CNTNAP2: variants seen among roughly 807,000 people sequenced by gnomAD.
CNTNAP2 encodes the protein contactin-associated protein-like 2.
A neutral mutation model predicts 155.2 loss-of-function variants in CNTNAP2; 98 were observed. That is an observed-to-expected ratio of 0.63 (90% CI 0.54 to 0.75). CNTNAP2 has a LOEUF of 0.75. Among genes scored for constraint, CNTNAP2 ranks in the 30% least tolerant of loss-of-function variants. The pLI, the probability that CNTNAP2 is intolerant of heterozygous loss-of-function variation, is 0.00. For missense variants in CNTNAP2, 1,727 were observed against 1,688.1 expected (o/e 1.02, Z -0.40); for synonymous variants, 651 against 631.2 (o/e 1.03, Z -0.47).
At chr7:146,184,312 G>T (rs912568103) in intron 1 of CNTNAP2, among the ~76,000 whole-genome samples, 1 of 152,102 alleles carries the variant, frequency 6.6e-6, no homozygotes, top group African/African-American at 2.4e-5. Context: ...CCACAAAAAT[G>T]AAACCTGAGA....
At position 147,596,495 on chromosome 7, in the gene CNTNAP2, C is replaced by T. The variant is rs151257589; in HGVS notation, c.1897+34238C>T. 4.3e-4 allele frequency among the ~76,000 whole-genome samples: 66 copies of T among 152,116 alleles called. 1 individual carries two copies. The highest frequency in any genetic ancestry group is 6.8e-3 in the Middle Eastern group (2 of 294). ...TTTTGCTTCCCTGCTTAAAACCTGT[C>T]GGTGCTTCCTATCATTCTTTGTGTT... On this transcript the variant is annotated intron_variant, in intron 12 of 23. Transcript: ENST00000361727.
chr7:148,078,691 G>T (rs1297589570), intron 15 of CNTNAP2, among the ~76,000 whole-genome samples: 1 of 152,110 alleles, frequency 6.6e-6, no homozygotes, highest in African/African-American at 2.4e-5. Context: ...ATGTTGTCCA[G>T]GCTGGTCTCT....
chr7:147,346,396 C>T (rs901510504), intron 9 of CNTNAP2, among the ~76,000 whole-genome samples: 8 of 151,810 alleles, frequency 5.3e-5, no homozygotes, highest in Non-Finnish European at 8.8e-5. Flanking sequence ...CCTCATGATC[C>T]ACCCGCCTCG....
chr7:146,588,958 T>G (rs1172072662), intron 1 of CNTNAP2, among the ~76,000 whole-genome samples: 3 of 128,138 alleles, frequency 2.3e-5, no homozygotes, highest in Non-Finnish European at 5.7e-5. Flanking sequence ...ACATTTCAGT[T>G]ATAAAAAAAA....
intron 13 of CNTNAP2, among the ~76,000 whole-genome samples, chr7:147,784,917 A>G (rs1416437285): frequency 6.6e-6 from 1 of 151,996 alleles, no homozygotes; most frequent in Non-Finnish European, 1.5e-5. Context: ...GGCTGTGGGA[A>G]GAGGGCAGGG....
At chr7:147,608,935 C>T (rs1801127287) in intron 12 of CNTNAP2, among the ~76,000 whole-genome samples, 1 of 152,106 alleles carries the variant, frequency 6.6e-6, no homozygotes. Context: ...AGTCGGGGAG[C>T]TTCTGAGCCA....
rs548619278 is a variant in CNTNAP2 at position 146,825,828 on chromosome 7, A to G, written c.209-13883A>G. On this transcript the variant is annotated intron_variant, in intron 2 of 23. Coordinates refer to ENST00000361727, the MANE Select transcript of CNTNAP2 (RefSeq NM_014141.6). ...GTACATTTTCCTTATATTGTTGCAC[A>G]GATCACTGGCAATTTTGCATCATTG... Among the ~76,000 whole-genome samples the G allele has an allele frequency of 7.9e-5, 12 of 152,274 alleles. No homozygotes were observed. In the South Asian group the frequency reaches 1.2e-3, roughly 16 times the overall value.
chr7:146,369,438 C>G (rs940285319), intron 1 of CNTNAP2, among the ~76,000 whole-genome samples: 1 of 152,122 alleles, frequency 6.6e-6, no homozygotes, highest in Admixed American at 6.5e-5. Context: ...AAAGTGCATT[C>G]TTTGTCCCTT....
chr7:146,618,917 A>G (rs1799271859), intron 1 of CNTNAP2, among the ~76,000 whole-genome samples: 2 of 151,968 alleles, frequency 1.3e-5, no homozygotes, highest in Admixed American at 1.3e-4. Flanking sequence ...TAAAGATACA[A>G]AAATTAGCCG....
intron 1 of CNTNAP2, among the ~76,000 whole-genome samples, chr7:146,211,894 A>C (rs1799040680): frequency 6.6e-6 from 1 of 152,116 alleles, no homozygotes; most frequent in African/African-American, 2.4e-5. Flanking sequence ...TTATTAATTA[A>C]GTATATTAAA....
chr7:146,536,413 A>T (rs1402500816), intron 1 of CNTNAP2, among the ~76,000 whole-genome samples: 3 of 152,082 alleles, frequency 2.0e-5, no homozygotes, highest in Non-Finnish European at 4.4e-5. Context: ...TCAGTATTTT[A>T]GTCCAAAGGA....
At chr7:146,995,438 G>A (rs894019695) in intron 3 of CNTNAP2, among the ~76,000 whole-genome samples, 33 of 151,922 alleles carry the variant, frequency 2.2e-4, no homozygotes, top group Admixed American at 1.4e-3. Context: ...CTATATTAAT[G>A]TATATTCCCA....
At chr7:146,161,682 C>CA (rs1183307804) in intron 1 of CNTNAP2, among the ~76,000 whole-genome samples, 4 of 151,978 alleles carry the variant, frequency 2.6e-5, no homozygotes, top group African/African-American at 9.7e-5. Context: ...CATATGGAAC[C>CA]AAAAAGAGCC....
intron 13 of CNTNAP2, among the ~76,000 whole-genome samples, chr7:147,760,045 A>C (rs563942935): frequency 5.9e-5 from 9 of 152,216 alleles, no homozygotes; most frequent in African/African-American, 2.2e-4. Context: ...ACGTCCTCAG[A>C]GAAGACACGA....
intron 13 of CNTNAP2, among the ~76,000 whole-genome samples, chr7:147,880,433 A>C (rs1319265073): frequency 6.6e-6 from 1 of 152,144 alleles, no homozygotes; most frequent in African/African-American, 2.4e-5. Context: ...CCTAATCGAC[A>C]GTTGGATATG....
At chr7:146,386,320 C>T (rs1795461345) in intron 1 of CNTNAP2, among the ~76,000 whole-genome samples, 1 of 152,148 alleles carries the variant, frequency 6.6e-6, no homozygotes, top group Non-Finnish European at 1.5e-5. Flanking sequence ...GGGTACATAG[C>T]TACTGTTTAA....
chr7:148,116,576 G>A (rs1458667370), intron 15 of CNTNAP2, among the ~76,000 whole-genome samples: 2 of 152,092 alleles, frequency 1.3e-5, no homozygotes, highest in Non-Finnish European at 2.9e-5. Flanking sequence ...ATATGCCTAA[G>A]TTTATCTTTT....
At chr7:146,420,381 A>C (rs1163281428) in intron 1 of CNTNAP2, among the ~76,000 whole-genome samples, 3 of 152,058 alleles carry the variant, frequency 2.0e-5, no homozygotes, top group African/African-American at 7.2e-5. Context: ...TGCCTGATCT[A>C]AAATATCTTA....
chr7:146,456,216 C>G (rs1796552650), intron 1 of CNTNAP2, among the ~76,000 whole-genome samples: 1 of 151,964 alleles, frequency 6.6e-6, no homozygotes, highest in South Asian at 2.1e-4. Flanking sequence ...GGTTGATTTC[C>G]AAAATCAAAA....
Sources: gnomAD v4.1 joint callset for allele counts (sites outside exome capture counted in the v4.1 genomes callset) on GRCh38, gnomAD v4.1.1 for gene constraint, MANE v1.5 for transcripts, NCBI Gene and HGNC (gene_info 2026-07-23, HGNC 2026-07-21) for gene names.